OPCML: variants seen among roughly 807,000 people sequenced by gnomAD.
OPCML encodes the protein opioid binding protein/cell adhesion molecule like.
A neutral mutation model predicts 37.8 loss-of-function variants in OPCML; 13 were observed. That is an observed-to-expected ratio of 0.34 (90% CI 0.22 to 0.55). The LOEUF is 0.55. Ranked by LOEUF, OPCML falls within the 20% of genes least tolerant of loss-of-function variation. The pLI is 0.91. For missense variants in OPCML, 341 were observed against 435.6 expected (o/e 0.78, Z 1.93); for synonymous variants, 176 against 168.8 (o/e 1.04, Z -0.33).
intron 1 of OPCML, chr11:133,007,961 G>A (rs912860500): frequency 3.0e-6 from 3 of 985,326 alleles, no homozygotes; most frequent in African/African-American, 3.5e-5. Flanking sequence ...GACATGCAGA[G>A]AATTCCATGA....
chr11:133,008,231 C>A (rs1947149405), intron 1 of OPCML: 1 of 985,246 alleles, frequency 1.0e-6, no homozygotes, highest in Non-Finnish European at 1.2e-6. Flanking sequence ...ACAGTGTTGG[C>A]CACTTGTGAC....
intron 4 of OPCML, among the ~76,000 whole-genome samples, chr11:132,520,702 G>GTA (rs1555144703): frequency 0.052 from 7,829 of 149,688 alleles, 327 homozygotes; most frequent in African/African-American, 0.09. Flanking sequence ...GTGTGTGTGT[G>GTA]TATGCATATA....
chr11:133,380,324 T>A (rs1944904394), intron 1 of OPCML, among the ~76,000 whole-genome samples: 2 of 152,244 alleles, frequency 1.3e-5, no homozygotes, highest in Admixed American at 6.5e-5. Context: ...CACAGAATTT[T>A]AGTTTTGAAA....
At chr11:133,246,332 A>T (rs907169728) in intron 1 of OPCML, among the ~76,000 whole-genome samples, 7 of 152,246 alleles carry the variant, frequency 4.6e-5, no homozygotes, top group African/African-American at 9.6e-5. Context: ...AGAGTTAGAG[A>T]ACATCATGAT....
intron 2 of OPCML, among the ~76,000 whole-genome samples, chr11:132,754,099 G>A (rs778932492): frequency 2.0e-5 from 3 of 152,226 alleles, no homozygotes; most frequent in African/African-American, 4.8e-5. Context: ...CCAGCAGGGT[G>A]CAGCTGCAGG....
intron 2 of OPCML, among the ~76,000 whole-genome samples, chr11:132,916,195 T>A (rs1284237635): frequency 6.6e-6 from 1 of 152,212 alleles, no homozygotes; most frequent in East Asian, 1.9e-4. Flanking sequence ...TATATATGCA[T>A]CCTTATAAGC....
intron 1 of OPCML, chr11:133,418,085 C>T (rs138180089): frequency 4.4e-5 from 43 of 985,270 alleles, no homozygotes; most frequent in Non-Finnish European, 4.9e-5. Context: ...ACAAAGTATG[C>T]CATCTGTGGT....
chr11:132,917,531 A>G (rs1944648216), intron 2 of OPCML, among the ~76,000 whole-genome samples: 1 of 152,168 alleles, frequency 6.6e-6, no homozygotes, highest in Admixed American at 6.5e-5. Context: ...CAATTAATGG[A>G]GCTGGGAGAC....
chr11:132,551,242 G>A (rs951325378), intron 3 of OPCML, among the ~76,000 whole-genome samples: 20 of 152,208 alleles, frequency 1.3e-4, no homozygotes, highest in African/African-American at 4.3e-4. Flanking sequence ...TTAGGAAATA[G>A]GGTGGAGTTG....
intron 1 of OPCML, among the ~76,000 whole-genome samples, chr11:133,274,891 C>T (rs1243963232): frequency 2.0e-5 from 3 of 152,120 alleles, no homozygotes; most frequent in Non-Finnish European, 4.4e-5. Flanking sequence ...CTGGAAAGCT[C>T]GAGACCTGCC....
intron 1 of OPCML, among the ~76,000 whole-genome samples, chr11:133,450,385 G>A (rs1946557633): frequency 6.6e-6 from 1 of 151,186 alleles, no homozygotes; most frequent in Non-Finnish European, 1.5e-5. Flanking sequence ...ATGACACATC[G>A]GTACAAATCC....
chr11:132,481,650 G>T (rs1459692444), intron 4 of OPCML, among the ~76,000 whole-genome samples: 2 of 151,068 alleles, frequency 1.3e-5, no homozygotes, highest in African/African-American at 4.9e-5. Flanking sequence ...CTATTCCAAA[G>T]TTGACCACAT....
intron 1 of OPCML, among the ~76,000 whole-genome samples, chr11:133,141,228 C>T (rs908859474): frequency 1.3e-5 from 2 of 151,958 alleles, no homozygotes; most frequent in East Asian, 1.9e-4. Context: ...CATTCCAAGC[C>T]GGGCTCTCGC....
At chr11:133,337,193 AG>A (rs1943761881) in intron 1 of OPCML, among the ~76,000 whole-genome samples, 1 of 152,222 alleles carries the variant, frequency 6.6e-6, no homozygotes, top group African/African-American at 2.4e-5. Context: ...TCTTTTCCTA[AG>A]GCAAGAGATG....
intron 2 of OPCML, among the ~76,000 whole-genome samples, chr11:132,797,834 C>T (rs1421314431): frequency 6.6e-6 from 1 of 152,160 alleles, no homozygotes; most frequent in Non-Finnish European, 1.5e-5. Context: ...AAGAGTCTTT[C>T]ATGATGTTGA....
chr11:133,362,459 G>C (rs577694448), intron 1 of OPCML, among the ~76,000 whole-genome samples: 30 of 152,300 alleles, frequency 2.0e-4, no homozygotes, highest in African/African-American at 7.2e-4. Context: ...GAGCAGTGCG[G>C]CTTTGTGCTT....
intron 1 of OPCML, among the ~76,000 whole-genome samples, chr11:133,477,170 C>T (rs1947259685): frequency 6.6e-6 from 1 of 152,006 alleles, no homozygotes; most frequent in African/African-American, 2.4e-5. Flanking sequence ...TTTTTCCCCC[C>T]ACGTTTTTCT....
At chr11:132,797,662 C>A (rs1938406591) in intron 2 of OPCML, among the ~76,000 whole-genome samples, 1 of 151,958 alleles carries the variant, frequency 6.6e-6, no homozygotes, top group Non-Finnish European at 1.5e-5. Context: ...TAATAGTATG[C>A]CTAACAATGT....
intron 1 of OPCML, among the ~76,000 whole-genome samples, chr11:133,138,701 C>T (rs554313284): frequency 6.6e-6 from 1 of 152,284 alleles, no homozygotes; most frequent in African/African-American, 2.4e-5. Context: ...ATCTCCCACC[C>T]CACTCCTGGT....
Sources: allele counts gnomAD v4.1 joint callset (sites outside exome capture counted in the v4.1 genomes callset), GRCh38; gene constraint gnomAD v4.1.1; transcripts MANE v1.5; gene names NCBI Gene and HGNC (gene_info 2026-07-23, HGNC 2026-07-21).